ARHGAP23: variants seen among roughly 807,000 people sequenced by gnomAD.
ARHGAP23 encodes the protein Rho GTPase activating protein 23.
A neutral mutation model predicts 136.3 loss-of-function variants in ARHGAP23; 34 were observed. The observed-to-expected ratio is 0.25, with a 90% CI of 0.19 to 0.33. The LOEUF (loss-of-function observed/expected upper bound fraction) is 0.33. Among genes scored for constraint, ARHGAP23 ranks in the 10% least tolerant of loss-of-function variants. The pLI, the probability that ARHGAP23 is intolerant of heterozygous loss-of-function variation, is 1.00. For missense variants in ARHGAP23, 1,808 were observed against 2,139.0 expected (o/e 0.85, Z 3.05); for synonymous variants, 832 against 920.5 (o/e 0.90, Z 1.74).
chr17:38,431,134 C>T (rs1459212068), intron 1 of ARHGAP23, among the ~76,000 whole-genome samples: 1 of 152,178 alleles, frequency 6.6e-6, no homozygotes, highest in Non-Finnish European at 1.5e-5. Context: ...TCAGGACCTG[C>T]TATGTCCCGC....
At chr17:38,468,238 G>T (rs150588408) in intron 7 of ARHGAP23, among the ~76,000 whole-genome samples, 4 of 152,328 alleles carry the variant, frequency 2.6e-5, no homozygotes, top group African/African-American at 9.6e-5. Flanking sequence ...ACTGGGGTTG[G>T]CTTTTGAGAG....
intron 11 of ARHGAP23, 133 bp downstream of exon 11, chr17:38,472,139 GC>G (rs1396227196): frequency 8.8e-7 from 1 of 1,135,698 alleles, no homozygotes; most frequent in Non-Finnish European, 1.2e-6. Context: ...GAGGTTAGAT[GC>G]TAGGAAGAAC....
intron 8 of ARHGAP23, 39 bp downstream of exon 8, chr17:38,469,338 C>T (rs887305958): frequency 2.2e-5 from 33 of 1,525,686 alleles, no homozygotes; most frequent in African/African-American, 8.3e-5. Context: ...CCCTCTCCCT[C>T]GCTGCCCAGT....
At chr17:38,422,518 T>C (rs1391907106) in intron 1 of ARHGAP23, among the ~76,000 whole-genome samples, 6 of 152,134 alleles carry the variant, frequency 3.9e-5, no homozygotes, top group Admixed American at 2.0e-4. Context: ...TCCCTAAAGA[T>C]GGCCAGTTCA....
At chr17:38,427,849 C>T (rs1174144105), upstream of ARHGAP23, among the ~76,000 whole-genome samples, 1 of 152,190 alleles carries the variant, frequency 6.6e-6, no homozygotes, top group Non-Finnish European at 1.5e-5. Flanking sequence ...CCCGTCTCCC[C>T]ACCCCCTGCA....
At position 38,438,321 on chromosome 17, in the gene ARHGAP23, C is replaced by CAAA. The variant is rs34412310; in HGVS notation, c.63+9791_63+9793dup. 7.4e-3 allele frequency among the ~76,000 whole-genome samples: 861 copies of CAAA among 115,748 alleles called. 22 individuals carry two copies. Among genetic ancestry groups the CAAA allele is most frequent in the African/African-American group, 0.024 (698 of 29,186 alleles). The allele number at this position is 115,748 out of a possible 152,430, so 75.9% of individuals were successfully genotyped here. ...CTGGTGACAGAGTGAGACTCCGTCT[C>CAAA]AAAAAAAAAAAAAAAAAAAAGATGT... On this transcript the variant is annotated intron_variant, in intron 1 of 23. Coordinates refer to ENST00000622683, the MANE Select transcript of ARHGAP23 (RefSeq NM_001199417.2).
intron 1 of ARHGAP23, among the ~76,000 whole-genome samples, chr17:38,430,005 C>T (rs1210573461): frequency 2.0e-5 from 3 of 152,150 alleles, no homozygotes; most frequent in Non-Finnish European, 4.4e-5. Context: ...GCCCCCGGCC[C>T]CAGCGGCTTC....
Position 38,490,560 on chromosome 17 carries a change from G to A in ARHGAP23, c.3150+9G>A. ...ACTCTGAGAAAAACAAGGTGGGTAG[G>A]AGTCCCGCATGGAGTCTGGGGGAGG... is the stretch of plus-strand genomic sequence containing the variant. On this transcript the variant is annotated intron_variant, in intron 19 of 23. Coordinates refer to ENST00000622683, the MANE Select transcript of ARHGAP23 (RefSeq NM_001199417.2). The A allele has an allele frequency of 6.6e-7, 1 of 1,524,790 alleles. No individual in the cohort carries two copies. Among genetic ancestry groups the A allele is most frequent in the Non-Finnish European group, 8.9e-7 (1 of 1,124,286 alleles). 94.5% of individuals were successfully genotyped at this position (1,524,790 alleles called of 1,614,324 possible).
At chr17:38,509,846 C>T (rs1015011467) in intron 23 of ARHGAP23, 98 bp from the exon 24 acceptor site, 1 of 981,968 alleles carries the variant, frequency 1.0e-6, no homozygotes. Flanking sequence ...GGGCTTGTGG[C>T]GACTGGGTGC....
At position 38,490,152 on chromosome 17, in the gene ARHGAP23, C is replaced by T. The variant is rs1441229386; in HGVS notation, c.3037C>T (p.Arg1013Ter). The stretch of plus-strand genomic sequence containing the variant: ...CAACCGCATTGAGGACGCGCGGGAG[C>T]GAATGAGGACGCTGCGGAAGCTGGT... ...EANRIEDARERMRTLRKLIRD... is the reference protein window; with the variant it reads ...EANRIEDARE Residue 1013 changes from arginine to a stop codon, truncating the protein, a stop_gained, in exon 18 of 24, where the codon CGA (arginine) becomes TGA (stop). Coordinates refer to ENST00000622683, the MANE Select transcript of ARHGAP23 (RefSeq NM_001199417.2). LOFTEE classifies it high-confidence loss of function. The T allele has an allele frequency of 3.2e-6, 5 of 1,551,710 alleles. No individual in the cohort carries two copies.
At position 38,510,224 on chromosome 17, in the gene ARHGAP23, C is replaced by A. The variant is rs765559660; in HGVS notation, c.3728C>A (p.Thr1243Lys). The part of the protein sequence containing the change: ...AAPEERPAAD[T>K]RSIVSGYSTL... ...CCGGAGGAGCGGCCGGCCGCGGACA[C>A]GCGCTCCATTGTGTCGGGCTACTCC... Residue 1243 changes from threonine (T) to lysine (K), a missense_variant, in exon 24 of 24, where the codon ACG (threonine) becomes AAG (lysine). Coordinates refer to ENST00000622683, the MANE Select transcript of ARHGAP23 (RefSeq NM_001199417.2). The surrounding 1 kb of genome is among the most constrained non-coding windows in gnomAD (Gnocchi z 4.6). The A allele has an allele frequency of 2.9e-6, 4 of 1,377,122 alleles. No individual in the cohort carries two copies. The East Asian group carries it at 9.3e-5, about 32-fold the overall frequency. The allele number at this position is 1,377,122 out of a possible 1,614,324, so 85.3% of individuals were successfully genotyped here. A position where few individuals can be genotyped will look rare whatever the true frequency, so the allele number is the denominator to read the frequency against.
intron 14 of ARHGAP23, among the ~76,000 whole-genome samples, chr17:38,480,147 T>G (rs1182092153): frequency 6.6e-6 from 1 of 152,076 alleles, no homozygotes; most frequent in Non-Finnish European, 1.5e-5. Flanking sequence ...TCTGCAGGGA[T>G]GAGAGGCCCA....
At chr17:38,440,032 C>CT (rs1003861153) in intron 1 of ARHGAP23, among the ~76,000 whole-genome samples, 12 of 125,424 alleles carry the variant, frequency 9.6e-5, no homozygotes, top group East Asian at 2.4e-4. Flanking sequence ...CCAGTCGGAA[C>CT]TTTTTTTTTT....
intron 11 of ARHGAP23, among the ~76,000 whole-genome samples, chr17:38,474,931 G>A (rs1049752269): frequency 2.6e-5 from 4 of 152,156 alleles, no homozygotes; most frequent in Admixed American, 1.3e-4. Context: ...TCCTTGTGAG[G>A]GTGGCTGGCT....
Position 38,511,090 on chromosome 17 carries a change from G to T in ARHGAP23, c.*118G>T. 1 of 1,088,274 alleles carries T rather than the reference G, an allele frequency of 9.2e-7. No individual in the cohort carries two copies. The highest frequency in any genetic ancestry group is 1.2e-6 in the Non-Finnish European group (1 of 819,058). The allele number at this position is 1,088,274 out of a possible 1,614,324, so 67.4% of individuals were successfully genotyped here. A position where few individuals can be genotyped will look rare whatever the true frequency, so the allele number is the denominator to read the frequency against. On this transcript the variant is annotated 3_prime_UTR_variant, in exon 24 of 24. Coordinates refer to ENST00000622683, the MANE Select transcript of ARHGAP23 (RefSeq NM_001199417.2). ...CCCTGGGTGCATGGTGTGGGTGGAG[G>T]GCGCAGCAGGCAGTGTCTCTAGTTG...
chr17:38,488,945 G>A (rs1181337489), intron 17 of ARHGAP23, among the ~76,000 whole-genome samples: 6 of 151,148 alleles, frequency 4.0e-5, no homozygotes, highest in African/African-American at 1.2e-4. Context: ...TTACGATCTC[G>A]GCTCACTGCA....
chr17:38,455,076 C>G (rs888928510), intron 1 of ARHGAP23, among the ~76,000 whole-genome samples: 4 of 152,302 alleles, frequency 2.6e-5, no homozygotes, highest in African/African-American at 9.6e-5. Flanking sequence ...GTGCACCTTT[C>G]TAGTTGTTAT....
At position 38,479,458 on chromosome 17, in the gene ARHGAP23, C is replaced by T; in HGVS notation, c.2459C>T (p.Ala820Val). 6.5e-7 allele frequency: 1 copy of T among 1,548,492 alleles called. No homozygotes were observed. Among genetic ancestry groups the T allele is most frequent in the South Asian group, 1.2e-5 (1 of 83,950 alleles). ...EGEDPGCANQ[A>V]LISKKLNDYR... is the part of the protein sequence containing the mutation. ...CAGGACCCCGGCTGTGCCAACCAAGCTCTGATCAGCAAGAAGCTTAACGAT... is the reference window on the plus strand; with the variant it reads ...CAGGACCCCGGCTGTGCCAACCAAGTTCTGATCAGCAAGAAGCTTAACGAT... Residue 820 changes from alanine to valine, a missense_variant, in exon 13 of 24, where the codon GCT becomes GTT. By Grantham distance (64) the Ala-to-Val change is moderately conservative (BLOSUM62 0). This residue lies in a region of ARHGAP23 where 139 missense variants were observed against 264.3 expected (regional missense o/e 0.53). Coordinates refer to ENST00000622683, the MANE Select transcript of ARHGAP23 (RefSeq NM_001199417.2).
chr17:38,438,104 C>T (rs937360344), intron 1 of ARHGAP23, among the ~76,000 whole-genome samples: 4 of 152,058 alleles, frequency 2.6e-5, no homozygotes, highest in Non-Finnish European at 4.4e-5. Context: ...GGGCAAATCA[C>T]GAGGGCAAGA....
Sources: allele counts gnomAD v4.1 joint callset (sites outside exome capture counted in the v4.1 genomes callset), GRCh38; gene constraint gnomAD v4.1.1; regional missense constraint gnomAD v4.1.1; non-coding constraint Gnocchi (gnomAD v3.1); transcripts MANE v1.5; gene names NCBI Gene and HGNC (gene_info 2026-07-23, HGNC 2026-07-21).